The following TIAM1 variants were observed in gnomAD, a reference collection of about 807,000 sequenced individuals.
The protein encoded by TIAM1 is rho guanine nucleotide exchange factor TIAM1.
Under a neutral mutation model 163.5 loss-of-function variants are expected in TIAM1, and 65 were observed. The ratio of observed to expected loss-of-function variants is 0.40; its 90% confidence interval spans 0.33 to 0.49. TIAM1 has a LOEUF of 0.49. Among genes scored for constraint, TIAM1 ranks in the 20% least tolerant of loss-of-function variants. The probability of loss-of-function intolerance (pLI) is 0.77; values close to 1 mark genes in which losing one functional copy is unlikely to be tolerated. For synonymous variants in TIAM1, 833 were observed against 810.1 expected (o/e 1.03, Z -0.48); for missense variants, 1,789 against 2,044.7 (o/e 0.87, Z 2.41).
At chr21:31,344,328 C>T (rs2076104370), upstream of TIAM1, 1 of 152,216 alleles carries the variant, frequency 6.6e-6, no homozygotes, top group African/African-American at 2.4e-5. Flanking sequence ...CTCCTCCCTT[C>T]CTCCTCCCAC....
intron 2 of TIAM1, among the ~76,000 whole-genome samples, chr21:31,290,548 G>A (rs1357203088): frequency 6.6e-6 from 1 of 150,878 alleles, no homozygotes; most frequent in Non-Finnish European, 1.5e-5. Context: ...TCTGGAGGCT[G>A]AGGCAGGAGA....
chr21:31,185,651 TATA>T (rs2085268653), intron 14 of TIAM1, among the ~76,000 whole-genome samples: 3 of 146,094 alleles, frequency 2.1e-5, no homozygotes, highest in East Asian at 3.9e-4. Context: ...ATAATTATAT[TATA>T]ATAATTACAA....
intron 15 of TIAM1, among the ~76,000 whole-genome samples, chr21:31,177,882 G>A (rs934721370): frequency 5.9e-5 from 9 of 152,162 alleles, no homozygotes; most frequent in African/African-American, 2.2e-4. Flanking sequence ...CAGCACTCAC[G>A]TGGACCCCAA....
At chr21:31,412,241 A>G (rs540341574) in intron 2 of TIAM1, among the ~76,000 whole-genome samples, 7 of 152,340 alleles carry the variant, frequency 4.6e-5, no homozygotes, top group African/African-American at 1.7e-4. Flanking sequence ...TCATGGCTGT[A>G]GAGTGTGGAA....
intron 2 of TIAM1, among the ~76,000 whole-genome samples, chr21:31,326,062 C>T (rs1384384152): frequency 6.6e-6 from 1 of 152,224 alleles, no homozygotes; most frequent in Admixed American, 6.5e-5. Flanking sequence ...CACTGTCAGG[C>T]AGAGTCCCCC....
At chr21:31,192,299 T>C (rs1163457486) in intron 13 of TIAM1, among the ~76,000 whole-genome samples, 5 of 152,108 alleles carry the variant, frequency 3.3e-5, no homozygotes, top group African/African-American at 1.2e-4. Context: ...GAAAAGAGTT[T>C]TAAAGATTTT....
chr21:31,258,497 A>C (rs2072252469), intron 4 of TIAM1, among the ~76,000 whole-genome samples: 1 of 152,174 alleles, frequency 6.6e-6, no homozygotes, highest in Admixed American at 6.5e-5. Flanking sequence ...GTTCACTTAA[A>C]TTTTTGTTCT....
At chr21:31,285,229 A>G (rs1023560545) in intron 2 of TIAM1, among the ~76,000 whole-genome samples, 1 of 152,136 alleles carries the variant, frequency 6.6e-6, no homozygotes, top group Non-Finnish European at 1.5e-5. Flanking sequence ...CTTCGCACAC[A>G]GAGGGGTGTG....
intron 1 of TIAM1, among the ~76,000 whole-genome samples, chr21:31,501,962 G>A (rs1044101065): frequency 6.6e-5 from 10 of 152,152 alleles, no homozygotes; most frequent in African/African-American, 2.4e-4. Flanking sequence ...GGGACCAACG[G>A]GCTGAATGCC....
chr21:31,421,124 T>C (rs2043553547), intron 2 of TIAM1, among the ~76,000 whole-genome samples: 2 of 145,614 alleles, frequency 1.4e-5, no homozygotes, highest in African/African-American at 5.3e-5. Context: ...GAGTGAGACT[T>C]CCTCTTAAAA....
At chr21:31,348,006 A>G (rs988952014), upstream of TIAM1, among the ~76,000 whole-genome samples, 8 of 152,220 alleles carry the variant, frequency 5.3e-5, no homozygotes, top group African/African-American at 1.9e-4. Flanking sequence ...CCCTTTGTCA[A>G]GTGGATTTAC....
At chr21:31,157,538 G>A (rs1297226393) in intron 16 of TIAM1, among the ~76,000 whole-genome samples, 1 of 152,014 alleles carries the variant, frequency 6.6e-6, no homozygotes, top group Non-Finnish European at 1.5e-5. Flanking sequence ...TCAGGATCAT[G>A]GGTGACTGGA....
chr21:31,465,008 TA>T (rs1022803045), intron 1 of TIAM1, among the ~76,000 whole-genome samples: 1 of 151,662 alleles, frequency 6.6e-6, no homozygotes, highest in Non-Finnish European at 1.5e-5. Context: ...AGACTCTGCC[TA>T]AAAAAATAAA....
rs145352896 is a variant in TIAM1 at position 31,235,382 on chromosome 21, G to A, written c.1585-9432C>T. ...ATACTATTTATATGGTCATAACAATGTAATAACACTGATTAGTGCTTTAAT... is the reference window on the plus strand; with the variant it reads ...ATACTATTTATATGGTCATAACAATATAATAACACTGATTAGTGCTTTAAT... On this transcript the variant is annotated intron_variant, in intron 6 of 27. Transcript: ENST00000541036. Among the ~76,000 whole-genome samples, 361 of 152,300 alleles carry A rather than the reference G, an allele frequency of 2.4e-3. 3 individuals carry two copies. Among genetic ancestry groups the A allele is most frequent in the African/African-American group, 8.1e-3 (338 of 41,560 alleles).
chr21:31,170,093 T>C (rs1171989041), intron 15 of TIAM1, among the ~76,000 whole-genome samples: 1 of 152,088 alleles, frequency 6.6e-6, no homozygotes, highest in East Asian at 1.9e-4. Context: ...CTAAACGTAA[T>C]ACTTAAACTT....
At chr21:31,398,078 C>T (rs2077102898) in intron 2 of TIAM1, among the ~76,000 whole-genome samples, 1 of 151,128 alleles carries the variant, frequency 6.6e-6, no homozygotes, top group South Asian at 2.1e-4. Context: ...CCTCCCCCAA[C>T]CTCCCCTCTG....
intron 2 of TIAM1, among the ~76,000 whole-genome samples, chr21:31,379,572 C>T (rs908189861): frequency 6.6e-6 from 1 of 151,178 alleles, no homozygotes; most frequent in African/African-American, 2.4e-5. Context: ...AAAGCTTGTA[C>T]ACAAGTTTCG....
intron 6 of TIAM1, among the ~76,000 whole-genome samples, chr21:31,239,273 C>T (rs1412236639): frequency 1.3e-5 from 2 of 152,054 alleles, no homozygotes; most frequent in Admixed American, 6.6e-5. Flanking sequence ...CAGGTACATG[C>T]CATCGTGTCC....
chr21:31,507,114 A>G (rs896667067), intron 1 of TIAM1, among the ~76,000 whole-genome samples: 2 of 150,214 alleles, frequency 1.3e-5, no homozygotes, highest in Non-Finnish European at 3.0e-5. Context: ...AGAGACCCAG[A>G]AGTGAAATTG....
Sources: allele counts gnomAD v4.1 joint callset (sites outside exome capture counted in the v4.1 genomes callset), GRCh38; gene constraint gnomAD v4.1.1; transcripts MANE v1.5; gene names NCBI Gene and HGNC (gene_info 2026-07-23, HGNC 2026-07-21).